The following MACF1 variants were observed in gnomAD, a reference collection of about 807,000 sequenced individuals.
The protein encoded by MACF1 is microtubule actin crosslinking factor 1.
A neutral mutation model predicts 854.8 loss-of-function variants in MACF1; 193 were observed. The observed-to-expected ratio is 0.23, with a 90% CI of 0.20 to 0.25. MACF1 has a LOEUF of 0.25. MACF1 is among the 10% of genes least tolerant of loss of function. The pLI is 1.00. For missense variants in MACF1, 7,722 were observed against 8,929.1 expected (o/e 0.86, Z 5.45); for synonymous variants, 3,185 against 3,226.7 (o/e 0.99, Z 0.44).
Position 39,324,676 on chromosome 1 carries a change from G to A in MACF1, c.4420G>A (p.Glu1474Lys). ...GTCAGAAGAGCTGACAACAAAGAAA[G>A]AACAAGTCTCTGAAGCTATTAAAAC... ...VLSEELTTKK[E>K]QVSEAIKTSQ... Residue 1474 changes from glutamate to lysine, a missense_variant, in exon 35 of 101, where the codon GAA becomes AAA. Transcript: ENST00000564288. The A allele has an allele frequency of 6.2e-7, 1 of 1,613,540 alleles. No homozygotes were observed. Among genetic ancestry groups the A allele is most frequent in the Non-Finnish European group, 8.5e-7 (1 of 1,179,656 alleles).
chr1:39,308,824 T>C (rs1395370689), intron 23 of MACF1, among the ~76,000 whole-genome samples: 1 of 152,034 alleles, frequency 6.6e-6, no homozygotes, highest in Non-Finnish European at 1.5e-5. Context: ...CCTGGCTAAT[T>C]TTTGTATTTT....
At chr1:39,368,441 G>A in intron 50 of MACF1, 127 bp downstream of exon 50, 2 of 963,032 alleles carry the variant, frequency 2.1e-6, no homozygotes, top group Non-Finnish European at 1.5e-6. Flanking sequence ...CTGAGTTGTA[G>A]GAGGGTGAAA....
intron 58 of MACF1, among the ~76,000 whole-genome samples, chr1:39,419,288 G>A (rs1643441575): frequency 6.6e-6 from 1 of 152,170 alleles, no homozygotes; most frequent in Admixed American, 6.5e-5. Flanking sequence ...GAGAAATGAA[G>A]GAATAGCTAA....
Position 39,360,851 on chromosome 1 carries a change from G to A in MACF1, c.12303G>A (p.Leu4101=), listed in dbSNP as rs147189398. 137 of 1,613,854 alleles carry A rather than the reference G, an allele frequency of 8.5e-5. No individual in the cohort carries two copies. The highest frequency in any genetic ancestry group is 1.1e-4 in the Non-Finnish European group (129 of 1,180,014). The change falls in exon 48 of 101, where the codon CTG becomes CTA. Residue 4101 remains leucine, a synonymous_variant. Coordinates refer to ENST00000564288, the MANE Select transcript of MACF1 (RefSeq NM_001394062.1). ...ATAGCCTGGCTGAGCGATCTTCTCT[G>A]CTGCAGAAAGCAATTGCCCAATCTC... ...LSYSLAERSS[L]LQKAIAQSQS...
At chr1:39,168,550 A>G (rs538046382) in intron 2 of MACF1, among the ~76,000 whole-genome samples, 1 of 152,164 alleles carries the variant, frequency 6.6e-6, no homozygotes, top group East Asian at 1.9e-4. Context: ...GCAGGTCTCG[A>G]ACTCCTGGGC....
At position 39,389,847 on chromosome 1, in the gene MACF1, A is replaced by G. The variant is rs189756365; in HGVS notation, c.15816+1189A>G. ...CACTTCAAATAAATCTCCCATTTAT[A>G]TAGTAAGCAGCTTAATAATACATCC... On this transcript the variant is annotated intron_variant, in intron 58 of 100. Coordinates refer to ENST00000564288, the MANE Select transcript of MACF1 (RefSeq NM_001394062.1). Among the ~76,000 whole-genome samples, 741 of 152,352 alleles carry G rather than the reference A, an allele frequency of 4.9e-3. 6 individuals carry two copies. The highest frequency in any genetic ancestry group is 0.015 in the African/African-American group (630 of 41,582).
At chr1:39,412,904 A>T (rs1410253003) in intron 58 of MACF1, 2 of 1,608,910 alleles carry the variant, frequency 1.2e-6, no homozygotes, top group East Asian at 4.5e-5. Flanking sequence ...CCCTTTCCAC[A>T]TGAGGACATC....
chr1:39,425,708 GCT>G (rs1255318956), intron 61 of MACF1, among the ~76,000 whole-genome samples: 1 of 152,014 alleles, frequency 6.6e-6, no homozygotes, highest in Non-Finnish European at 1.5e-5. Flanking sequence ...CTTTTGTCCA[GCT>G]CTCTCTCTTC....
chr1:39,480,157 C>T (rs1644987883), intron 98 of MACF1, 148 bp downstream of exon 98: 1 of 535,868 alleles, frequency 1.9e-6, no homozygotes, highest in East Asian at 3.5e-5. Flanking sequence ...CGTGAAAACA[C>T]ACAGATCAAG....
At chr1:39,110,296 G>A (rs1456541604) in intron 2 of MACF1, among the ~76,000 whole-genome samples, 2 of 146,942 alleles carry the variant, frequency 1.4e-5, no homozygotes, top group Non-Finnish European at 3.0e-5. Flanking sequence ...GTGCAGTGTG[G>A]TGAGATCAGG....
chr1:39,215,952 G>A (rs1644572853), intron 1 of MACF1, among the ~76,000 whole-genome samples: 1 of 152,128 alleles, frequency 6.6e-6, no homozygotes. Context: ...AATAAGAGAG[G>A]CTAGGGGAAG....
rs200581940 is a variant in MACF1 at position 39,335,446 on chromosome 1, C to T, written c.8858C>T (p.Thr2953Met). The T allele has an allele frequency of 6.2e-6, 10 of 1,614,124 alleles. No homozygotes were observed. Among genetic ancestry groups the T allele is most frequent in the East Asian group, 2.2e-5 (1 of 44,882 alleles). The change falls in exon 37 of 101, where the codon ACG (threonine) becomes ATG (methionine). Residue 2953 changes from threonine to methionine, a missense_variant. This residue lies in a region of MACF1 where 854 missense variants were observed against 852.6 expected (regional missense o/e 1.00). Transcript: ENST00000564288. ...ILEVQETYCE[T>M]SGKLPSEQVL... ...GAAGTACAAGAAACATATTGTGAAA[C>T]GTCAGGCAAATTGCCGAGTGAGCAG...
intron 47 of MACF1, among the ~76,000 whole-genome samples, 182 bp from the exon 48 acceptor site, chr1:39,360,611 A>C (rs531776671): frequency 4.6e-5 from 7 of 151,444 alleles, no homozygotes; most frequent in African/African-American, 1.4e-4. Context: ...CTGAAGTAGG[A>C]AGATTGCTTA....
intron 2 of MACF1, among the ~76,000 whole-genome samples, chr1:39,156,470 T>G (rs532435396): frequency 1.4e-4 from 21 of 152,276 alleles, no homozygotes; most frequent in Non-Finnish European, 2.4e-4. Flanking sequence ...AATACAAAAA[T>G]TAGCGAGGCA....
At chr1:39,289,864 G>A (rs1037138485) in intron 15 of MACF1, among the ~76,000 whole-genome samples, 3 of 151,730 alleles carry the variant, frequency 2.0e-5, no homozygotes, top group Non-Finnish European at 4.4e-5. Context: ...ACCATGCCCA[G>A]CTAATTTTGT....
intron 70 of MACF1, chr1:39,436,484 T>A: frequency 6.2e-7 from 1 of 1,614,062 alleles, no homozygotes; most frequent in Non-Finnish European, 8.5e-7. Context: ...CATTACAGAT[T>A]ACAGAGGTAA....
chr1:39,126,298 C>G (rs1298077855), intron 2 of MACF1, among the ~76,000 whole-genome samples: 2 of 152,198 alleles, frequency 1.3e-5, no homozygotes, highest in South Asian at 2.1e-4. Flanking sequence ...GATGTTCTCT[C>G]ACCGCCTTCA....
At chr1:39,428,526 C>T (rs1643796483) in intron 63 of MACF1, among the ~76,000 whole-genome samples, 1 of 152,102 alleles carries the variant, frequency 6.6e-6, no homozygotes. Flanking sequence ...GGTATATAGT[C>T]AGGGGCCATC....
At chr1:39,425,643 A>G (rs1223281297) in intron 61 of MACF1, among the ~76,000 whole-genome samples, 1 of 152,156 alleles carries the variant, frequency 6.6e-6, no homozygotes, top group Non-Finnish European at 1.5e-5. Context: ...ATCTTCTGAC[A>G]ATGTCCTAAC....
Sources: allele counts gnomAD v4.1 joint callset (sites outside exome capture counted in the v4.1 genomes callset), GRCh38; gene constraint gnomAD v4.1.1; regional missense constraint gnomAD v4.1.1; transcripts MANE v1.5; gene names NCBI Gene and HGNC (gene_info 2026-07-23, HGNC 2026-07-21).